UEVLD: variants seen among roughly 807,000 people sequenced by gnomAD.
The protein encoded by UEVLD is UEV and lactate/malate dehyrogenase domains, also known as ubiquitin-conjugating enzyme E2 variant 3.
A neutral mutation model predicts 58.6 loss-of-function variants in UEVLD; 47 were observed. The observed-to-expected ratio is 0.80, with a 90% CI of 0.63 to 1.02. The LOEUF is 1.02. Ranked by LOEUF, UEVLD falls within the 50% of genes least tolerant of loss-of-function variation. The probability of loss-of-function intolerance (pLI) is 0.00; values close to 1 mark genes in which losing one functional copy is unlikely to be tolerated. For synonymous variants in UEVLD, 197 were observed against 195.3 expected, an observed-to-expected ratio of 1.01 and a Z score of -0.07; for missense variants, 510 against 550.6, an observed-to-expected ratio of 0.93 and a Z score of 0.74.
At chr11:18,568,576 A>G (rs1852412998) in intron 4 of UEVLD, among the ~76,000 whole-genome samples, 1 of 152,194 alleles carries the variant, frequency 6.6e-6, no homozygotes. Context: ...CCCATTCATC[A>G]CATTTAACTG....
At chr11:18,584,379 T>C (rs975031194) in intron 1 of UEVLD, among the ~76,000 whole-genome samples, 1 of 151,994 alleles carries the variant, frequency 6.6e-6, no homozygotes, top group Admixed American at 6.6e-5. Flanking sequence ...CAAGGCTCTG[T>C]CTCTTTAAAA....
At position 18,546,870 on chromosome 11, in the gene UEVLD, A is replaced by C. The variant is rs759147921; in HGVS notation, c.886+10T>G. ...GGACCATCAACTTAATTTAAAATAA[A>C]GCATTTTACCTGGTTGAGATGCAAC... is the stretch of plus-strand genomic sequence containing the variant. On this transcript the variant is annotated intron_variant, in intron 8 of 11. Transcript: ENST00000396197. The C allele has an allele frequency of 1.2e-6, 2 of 1,609,874 alleles. No homozygotes were observed. The highest frequency in any genetic ancestry group is 4.5e-5 in the East Asian group (2 of 44,846).
intron 1 of UEVLD, 23 bp downstream of exon 1, chr11:18,588,590 C>A (rs1853712992): frequency 1.9e-6 from 3 of 1,608,998 alleles, no homozygotes; most frequent in Admixed American, 3.3e-5. Flanking sequence ...AGGACCCAAA[C>A]TGGCCCAGCG....
intron 7 of UEVLD, among the ~76,000 whole-genome samples, chr11:18,553,154 CAA>C (rs34297128): frequency 2.7e-4 from 22 of 81,548 alleles, no homozygotes; most frequent in African/African-American, 3.4e-4. Context: ...GGTTCCGTCT[CAA>C]AAAAAAAAAA....
At position 18,588,683 on chromosome 11, in the gene UEVLD, G is replaced by C. The variant is rs759037529; in HGVS notation, c.-29C>G. 5.6e-6 allele frequency: 9 copies of C among 1,605,130 alleles called. No homozygotes were observed. Among genetic ancestry groups the C allele is most frequent in the East Asian group, 2.2e-5 (1 of 44,792 alleles). On this transcript the variant is annotated 5_prime_UTR_variant, in exon 1 of 12. Transcript: ENST00000396197. ...CAGGCCGGTCCCGAGCTAGGTCCCAGGACTCCAGCCCCCGGACCTTCTTCC... is the reference window on the plus strand; with the variant it reads ...CAGGCCGGTCCCGAGCTAGGTCCCACGACTCCAGCCCCCGGACCTTCTTCC...
chr11:18,582,025 T>G (rs1853265726), intron 1 of UEVLD, among the ~76,000 whole-genome samples: 1 of 152,192 alleles, frequency 6.6e-6, no homozygotes, highest in African/African-American at 2.4e-5. Context: ...CATGATTCAG[T>G]GTAAACAAAA....
intron 1 of UEVLD, among the ~76,000 whole-genome samples, chr11:18,585,234 T>C (rs1007463077): frequency 2.0e-5 from 3 of 152,218 alleles, no homozygotes; most frequent in East Asian, 3.8e-4. Flanking sequence ...TTAATTTTAA[T>C]ACAGTTGAAT....
At chr11:18,539,405 C>T (rs1310983307) in intron 9 of UEVLD, among the ~76,000 whole-genome samples, 1 of 152,018 alleles carries the variant, frequency 6.6e-6, no homozygotes, top group African/African-American at 2.4e-5. Context: ...AAACCATGAA[C>T]TGTTATATGA....
In UEVLD at chr11:18,560,138, C is replaced by CACACACACACACACACACACACACAGAG. The variant is rs368897951; in HGVS notation, c.613-1809_613-1808insCTCTGTGTGTGTGTGTGTGTGTGTGTGT. On this transcript the variant is annotated intron_variant, in intron 6 of 11. Coordinates refer to ENST00000396197, the MANE Select transcript of UEVLD (RefSeq NM_001040697.4). ...ACACACACACACACACACACACACA[C>CACACACACACACACACACACACACAGAG]AGAGAGAGAAAGAAAATAACCCTGC... Among the ~76,000 whole-genome samples the CACACACACACACACACACACACACAGAG allele has an allele frequency of 2.1e-3, 156 of 74,750 alleles. 1 individual carries two copies. Among genetic ancestry groups the CACACACACACACACACACACACACAGAG allele is most frequent in the Non-Finnish European group, 2.9e-3 (115 of 39,374 alleles). The allele number at this position is 74,750 out of a possible 152,430, so 49.0% of individuals were successfully genotyped here.
At chr11:18,534,193 G>T in intron 11 of UEVLD, 137 bp downstream of exon 11, 1 of 611,356 alleles carries the variant, frequency 1.6e-6, no homozygotes, top group Non-Finnish European at 2.5e-6. Context: ...AAACTAAACT[G>T]CCTTCTCCTA....
At chr11:18,569,597 G>A (rs1311680214) in intron 4 of UEVLD, among the ~76,000 whole-genome samples, 5 of 151,278 alleles carry the variant, frequency 3.3e-5, no homozygotes, top group Admixed American at 6.6e-5. Flanking sequence ...AATACAATAC[G>A]CAATATCCTT....
At position 18,530,608 on chromosome 11, in the gene UEVLD, T is replaced by G. The variant is rs2133943657; in HGVS notation, c.*1712A>C. 1 of 152,586 alleles carries G rather than the reference T, an allele frequency of 6.6e-6. No individual in the cohort carries two copies. The highest frequency in any genetic ancestry group is 2.1e-4 in the South Asian group (1 of 4,824). 9.5% of individuals were successfully genotyped at this position (152,586 alleles called of 1,614,324 possible). The stretch of plus-strand genomic sequence containing the variant: ...CTCTGTTGCCTAGGCTGGAGTGCAG[T>G]AGCATGATCATAGCTCATTGCAATC... On this transcript the variant is annotated 3_prime_UTR_variant, in exon 12 of 12. Transcript: ENST00000396197.
Position 18,564,950 on chromosome 11 carries a change from A to C in UEVLD, c.554T>G (p.Ile185Ser). Residue 185 changes from isoleucine to serine, a missense_variant, in exon 6 of 12, where the codon ATT becomes AGT. Transcript: ENST00000396197. ...ANHENKTVNK[I>S]TVVGGGELGI... ...GAGTTCTCCACCTCCAACCACAGTA[A>C]TTTTATTGACTGTTTTATTCTCATG... The C allele has an allele frequency of 6.2e-7, 1 of 1,613,948 alleles. No individual in the cohort carries two copies. The highest frequency in any genetic ancestry group is 1.1e-5 in the South Asian group (1 of 91,076).
chr11:18,536,939 A>G (rs969740351), intron 9 of UEVLD, among the ~76,000 whole-genome samples: 5 of 130,146 alleles, frequency 3.8e-5, no homozygotes, highest in African/African-American at 1.4e-4. Context: ...TCTGTCGCCC[A>G]GGCTGTAGTG....
chr11:18,585,502 G>A (rs1473240944), intron 1 of UEVLD, among the ~76,000 whole-genome samples: 5 of 152,050 alleles, frequency 3.3e-5, no homozygotes, highest in Admixed American at 6.6e-5. Context: ...GTGTGACTAC[G>A]ATTCTAAGCC....
At chr11:18,557,443 C>T (rs957608651) in intron 7 of UEVLD, among the ~76,000 whole-genome samples, 10 of 152,144 alleles carry the variant, frequency 6.6e-5, no homozygotes, top group African/African-American at 1.4e-4. Flanking sequence ...TGAGCCACCG[C>T]GCCTGGCCCA....
At chr11:18,555,030 CT>C (rs1851699131) in intron 7 of UEVLD, among the ~76,000 whole-genome samples, 1 of 152,134 alleles carries the variant, frequency 6.6e-6, no homozygotes, top group African/African-American at 2.4e-5. Flanking sequence ...TGGCTCATGC[CT>C]GTAATCCCAG....
At position 18,532,534 on chromosome 11, in the gene UEVLD, G is replaced by A. The variant is rs564814614; in HGVS notation, c.1249-47C>T. On this transcript the variant is annotated intron_variant, in intron 11 of 11. Coordinates refer to ENST00000396197, the MANE Select transcript of UEVLD (RefSeq NM_001040697.4). ...TTTAATAGAACTAAATCATTGCAAA[G>A]AAGTTAATACAAAAATGCATACTTT... is the stretch of plus-strand genomic sequence containing the variant. The A allele has an allele frequency of 5.6e-6, 8 of 1,430,894 alleles. No homozygotes were observed. In the African/African-American group the frequency reaches 5.8e-5, roughly 10 times the overall value. The allele number at this position is 1,430,894 out of a possible 1,614,324, so 88.6% of individuals were successfully genotyped here.
intron 7 of UEVLD, among the ~76,000 whole-genome samples, chr11:18,557,259 C>T (rs1468431188): frequency 6.6e-6 from 1 of 152,036 alleles, no homozygotes; most frequent in Admixed American, 6.6e-5. Context: ...TCACACCACT[C>T]TCCTGCCTCA....
Sources: gnomAD v4.1 joint callset for allele counts (sites outside exome capture counted in the v4.1 genomes callset) on GRCh38, gnomAD v4.1.1 for gene constraint, MANE v1.5 for transcripts, NCBI Gene and HGNC (gene_info 2026-07-23, HGNC 2026-07-21) for gene names.